MCCC1: variants seen among roughly 807,000 people sequenced by gnomAD.
The protein encoded by MCCC1 is methylcrotonoyl-CoA carboxylase subunit alpha, mitochondrial.
A neutral mutation model predicts 83.8 loss-of-function variants in MCCC1; 64 were observed. That is an observed-to-expected ratio of 0.76 (90% CI 0.62 to 0.94). MCCC1 has a LOEUF of 0.94. MCCC1 is among the 40% of genes least tolerant of loss of function. MCCC1 has a pLI of 0.00. For synonymous variants in MCCC1, 322 were observed against 315.4 expected (o/e 1.02, Z -0.22); for missense variants, 807 against 904.7 (o/e 0.89, Z 1.39).
intron 10 of MCCC1, among the ~76,000 whole-genome samples, chr3:183,044,465 T>C (rs1423866173): frequency 6.6e-6 from 1 of 152,100 alleles, no homozygotes; most frequent in African/African-American, 2.4e-5. Context: ...TTTCCAAACA[T>C]TTACTCTGAA....
chr3:183,092,068 AAAAGAAT>A (rs1415120392), intron 3 of MCCC1, among the ~76,000 whole-genome samples: 2 of 152,000 alleles, frequency 1.3e-5, no homozygotes, highest in Non-Finnish European at 2.9e-5. Context: ...AAAAGAAAAA[AAAAGAAT>A]AGAGCCTGGA....
chr3:183,028,269 C>T (rs555145274), intron 14 of MCCC1, among the ~76,000 whole-genome samples: 1 of 152,262 alleles, frequency 6.6e-6, no homozygotes, highest in East Asian at 1.9e-4. Context: ...ACTGTTGAGA[C>T]CTACTCAATA....
chr3:183,043,162 C>T (rs1304095040), intron 10 of MCCC1, among the ~76,000 whole-genome samples: 4 of 152,090 alleles, frequency 2.6e-5, no homozygotes, highest in South Asian at 2.1e-4. Context: ...TGGTGGCACA[C>T]GCCTGTAATC....
At chr3:183,051,313 C>T (rs1193040773) in intron 9 of MCCC1, among the ~76,000 whole-genome samples, 1 of 152,056 alleles carries the variant, frequency 6.6e-6, no homozygotes, top group Non-Finnish European at 1.5e-5. Context: ...AACTCTGAGA[C>T]ATCGAGACAA....
intron 9 of MCCC1, among the ~76,000 whole-genome samples, 168 bp from the exon 10 acceptor site, chr3:183,045,708 C>T (rs546480727): frequency 5.9e-5 from 9 of 152,210 alleles, no homozygotes; most frequent in Middle Eastern, 3.4e-3. Context: ...GAATCTTAGT[C>T]AAAAATAGAG....
intron 3 of MCCC1, among the ~76,000 whole-genome samples, chr3:183,091,976 T>C (rs985690312): frequency 1.3e-5 from 2 of 151,628 alleles, no homozygotes; most frequent in Non-Finnish European, 2.9e-5. Flanking sequence ...CGCTTGAACC[T>C]GAGAGGCGGA....
intron 7 of MCCC1, among the ~76,000 whole-genome samples, chr3:183,060,716 C>CT (rs1715761906): frequency 6.6e-6 from 1 of 152,134 alleles, no homozygotes; most frequent in South Asian, 2.1e-4. Context: ...TAATGCTGTC[C>CT]TTCCCCGCTC....
chr3:183,044,516 A>G (rs1367339815), intron 10 of MCCC1, among the ~76,000 whole-genome samples: 6 of 152,172 alleles, frequency 3.9e-5, no homozygotes, highest in Admixed American at 2.0e-4. Flanking sequence ...ATAAATCCGC[A>G]CTTTACTTGG....
intron 4 of MCCC1, among the ~76,000 whole-genome samples, chr3:183,085,379 T>G (rs1287076573): frequency 6.6e-6 from 1 of 151,972 alleles, no homozygotes; most frequent in Non-Finnish European, 1.5e-5. Flanking sequence ...ACCTATAATG[T>G]TCTCACTTTG....
intron 13 of MCCC1, among the ~76,000 whole-genome samples, chr3:183,036,953 G>GT (rs2108469787): frequency 6.6e-6 from 1 of 152,232 alleles, no homozygotes; most frequent in African/African-American, 2.4e-5. Context: ...GATTACAGAC[G>GT]TGAGCCACCG....
At position 183,037,378 on chromosome 3, in the gene MCCC1, C is replaced by A; in HGVS notation, c.1434G>T (p.Glu478Asp). 1 of 1,614,162 alleles carries A rather than the reference C, an allele frequency of 6.2e-7. No individual in the cohort carries two copies. Among genetic ancestry groups the A allele is most frequent in the Non-Finnish European group, 8.5e-7 (1 of 1,180,036 alleles). The change falls in exon 13 of 19, where the codon GAG becomes GAT. Residue 478 changes from glutamate to aspartate, a missense_variant. By Grantham distance (45) the Glu-to-Asp change is conservative (BLOSUM62 2). Transcript: ENST00000265594. The part of the protein sequence containing the change: ...DFLLNLSGHP[E>D]FEAGNVHTDF... Reference sequence around the variant, plus strand: ...CAGTGTGCACGTTCCCAGCTTCAAACTCTGGGTGGCCAGACAGGTTGAGTA... The same window carrying A: ...CAGTGTGCACGTTCCCAGCTTCAAAATCTGGGTGGCCAGACAGGTTGAGTA...
chr3:183,050,028 G>C (rs571322262), intron 9 of MCCC1, among the ~76,000 whole-genome samples: 1 of 152,204 alleles, frequency 6.6e-6, no homozygotes, highest in Admixed American at 6.5e-5. Flanking sequence ...GCTGAGGTGG[G>C]AAGATCACTT....
intron 18 of MCCC1, among the ~76,000 whole-genome samples, chr3:183,016,461 C>T (rs1303755848): frequency 6.6e-6 from 1 of 151,762 alleles, no homozygotes; most frequent in South Asian, 2.1e-4. Context: ...GAACTCCTGA[C>T]CTCAAATGAT....
At chr3:183,074,362 C>T (rs1716910140) in intron 4 of MCCC1, among the ~76,000 whole-genome samples, 1 of 152,110 alleles carries the variant, frequency 6.6e-6, no homozygotes, top group African/African-American at 2.4e-5. Context: ...AGGGAAGAAA[C>T]AGAAGGAGGC....
At chr3:183,040,039 T>C (rs1438694966) in intron 11 of MCCC1, among the ~76,000 whole-genome samples, 1 of 130,718 alleles carries the variant, frequency 7.7e-6, no homozygotes, top group African/African-American at 3.0e-5. Flanking sequence ...GAGGTTGCAG[T>C]GAGCCAAAAT....
At chr3:183,031,490 CCT>C (rs1491292370) in intron 14 of MCCC1, among the ~76,000 whole-genome samples, 2 of 91,752 alleles carry the variant, frequency 2.2e-5, no homozygotes, top group Non-Finnish European at 4.3e-5. Context: ...GCTTCTGGCA[CCT>C]TTTTTTTTTT....
At chr3:183,111,733 C>A (rs182339822) in intron 1 of MCCC1, among the ~76,000 whole-genome samples, 10 of 152,280 alleles carry the variant, frequency 6.6e-5, no homozygotes, top group Non-Finnish European at 1.5e-4. Flanking sequence ...TAAATTTAAA[C>A]CTTCTCCAAA....
chr3:183,092,119 A>G (rs1718401595), intron 3 of MCCC1, among the ~76,000 whole-genome samples: 1 of 152,136 alleles, frequency 6.6e-6, no homozygotes, highest in Non-Finnish European at 1.5e-5. Flanking sequence ...TCTGGACATG[A>G]GCTACTCAAA....
intron 13 of MCCC1, among the ~76,000 whole-genome samples, chr3:183,035,117 T>C (rs759695255): frequency 4.6e-5 from 7 of 152,148 alleles, no homozygotes; most frequent in Non-Finnish European, 8.8e-5. Flanking sequence ...TATTGGACAA[T>C]ATCCAGGAGC....
Sources: gnomAD v4.1 joint callset for allele counts (sites outside exome capture counted in the v4.1 genomes callset) on GRCh38, gnomAD v4.1.1 for gene constraint, MANE v1.5 for transcripts, NCBI Gene and HGNC (gene_info 2026-07-23, HGNC 2026-07-21) for gene names.